The following SLC12A6 variants were observed in gnomAD, a reference collection of about 807,000 sequenced individuals.
The protein encoded by SLC12A6 is K-Cl cotransporter 3.
Under a neutral mutation model 135.3 loss-of-function variants are expected in SLC12A6, and 66 were observed. The observed-to-expected ratio is 0.49, with a 90% CI of 0.40 to 0.60. The LOEUF (loss-of-function observed/expected upper bound fraction) is 0.60. Among genes scored for constraint, SLC12A6 ranks in the 20% least tolerant of loss-of-function variants. The probability of loss-of-function intolerance (pLI) is 0.00; values close to 1 mark genes in which losing one functional copy is unlikely to be tolerated. For missense variants in SLC12A6, 1,058 were observed against 1,452.3 expected (o/e 0.73, Z 4.41); for synonymous variants, 513 against 508.8 (o/e 1.01, Z -0.11).
intron 8 of SLC12A6, among the ~76,000 whole-genome samples, 156 bp from the exon 9 acceptor site, chr15:34,254,745 T>C (rs1892631200): frequency 6.8e-6 from 1 of 146,384 alleles, no homozygotes; most frequent in African/African-American, 2.5e-5. Flanking sequence ...TGAAATGCCT[T>C]CAGAAATGGG....
chr15:34,271,628 C>CACACACACACAG (rs1491483231), intron 3 of SLC12A6, among the ~76,000 whole-genome samples: 1 of 149,106 alleles, frequency 6.7e-6, no homozygotes, highest in African/African-American at 2.5e-5. Context: ...CACACACACA[C>CACACACACACAG]AGAAAAGTTC....
In SLC12A6 at chr15:34,235,319, G is replaced by A. The variant is rs938212238; in HGVS notation, c.3228-5C>T. On this transcript the variant is annotated splice_region_variant and splice_polypyrimidine_tract_variant and intron_variant, in intron 24 of 25. Coordinates refer to ENST00000354181, the MANE Select transcript of SLC12A6 (RefSeq NM_001365088.1). ...CGCCTCACATTGGACTGGTCCCTGA[G>A]TGGGGAAGAAATAAAGGTTGTTAAG... 3 of 1,612,444 alleles carry A rather than the reference G, an allele frequency of 1.9e-6. No homozygotes were observed. Among genetic ancestry groups the A allele is most frequent in the Non-Finnish European group, 2.5e-6 (3 of 1,178,502 alleles).
rs1890915211 is a variant in SLC12A6, at chr15:34,231,345, A to G, written c.*2536T>C. 1 of 149,762 alleles carries G rather than the reference A, an allele frequency of 6.7e-6. No homozygotes were observed. The allele number at this position is 149,762 out of a possible 1,614,324, so 9.3% of individuals were successfully genotyped here. ...CCATTTCACTCCAGCCTGGGCAACA[A>G]GAGCGAAACTACGTCTCGGAAAAAA... On this transcript the variant is annotated 3_prime_UTR_variant, in exon 26 of 26. Coordinates refer to ENST00000354181, the MANE Select transcript of SLC12A6 (RefSeq NM_001365088.1).
At chr15:34,271,658 CTTGA>C (rs1220421093) in intron 3 of SLC12A6, among the ~76,000 whole-genome samples, 6 of 149,692 alleles carry the variant, frequency 4.0e-5, no homozygotes, top group Admixed American at 2.0e-4. Flanking sequence ...AGGTGTACAG[CTTGA>C]TTATTACAAC....
intron 2 of SLC12A6, among the ~76,000 whole-genome samples, chr15:34,293,689 T>TCCCAGGTCCAAGTAATCCC (rs1282667950): frequency 6.6e-6 from 1 of 152,192 alleles, no homozygotes; most frequent in Non-Finnish European, 1.5e-5. Flanking sequence ...AGCCTAAACC[T>TCCCAGGTCCAAGTAATCCC]CCCAGGTCCA....
intron 3 of SLC12A6, among the ~76,000 whole-genome samples, chr15:34,271,478 T>TGA (rs1235490729): frequency 1.3e-5 from 2 of 152,072 alleles, no homozygotes; most frequent in Non-Finnish European, 2.9e-5. Flanking sequence ...CTATTCCTTA[T>TGA]GAGAGACTGA....
chr15:34,318,867 A>G (rs1888848857), intron 2 of SLC12A6: 4 of 1,426,680 alleles, frequency 2.8e-6, no homozygotes, highest in Non-Finnish European at 2.8e-6. Context: ...GCTTGAAGAC[A>G]CGCCTTCCAC....
intron 22 of SLC12A6, 168 bp from the exon 23 acceptor site, chr15:34,236,983 A>C: frequency 1.6e-6 from 1 of 643,602 alleles, no homozygotes; most frequent in Non-Finnish European, 2.8e-6. Flanking sequence ...TGTTTTTGTG[A>C]CTGTAGATAA....
Position 34,239,004 on chromosome 15 carries a change from G to A in SLC12A6, c.2593C>T (p.Arg865Cys), listed in dbSNP as rs766850109. The change falls in exon 20 of 26, where the codon CGT (arginine) becomes TGT (cysteine). Residue 865 changes from arginine to cysteine, a missense_variant. Physicochemically the swap from Arg to Cys is radical, Grantham distance 180. Coordinates refer to ENST00000354181, the MANE Select transcript of SLC12A6 (RefSeq NM_001365088.1). The part of the protein sequence containing the change: ...TVVMGWPNGW[R>C]QSEDARAWKT... ...CAAGCGCGGGCATCTTCGCTTTGAC[G>A]CCAGCCATTAGGCCAGCCCATCACC... The A allele has an allele frequency of 2.5e-6, 4 of 1,613,630 alleles. No individual in the cohort carries two copies. Among genetic ancestry groups the A allele is most frequent in the Middle Eastern group, 1.7e-4 (1 of 6,054 alleles).
At chr15:34,331,842 T>C (rs1002928418) in intron 2 of SLC12A6, among the ~76,000 whole-genome samples, 11 of 152,188 alleles carry the variant, frequency 7.2e-5, no homozygotes, top group African/African-American at 2.4e-4. Context: ...CTTATCTAAA[T>C]TACTTTTATG....
intron 3 of SLC12A6, 78 bp downstream of exon 3, chr15:34,275,267 A>G: frequency 1.3e-6 from 1 of 760,840 alleles, no homozygotes; most frequent in Non-Finnish European, 2.4e-6. Flanking sequence ...ATAGAATCAG[A>G]GAAGGGAGTA....
intron 2 of SLC12A6, among the ~76,000 whole-genome samples, chr15:34,326,188 AATG>A (rs1322104450): frequency 2.0e-5 from 3 of 152,142 alleles, no homozygotes; most frequent in African/African-American, 7.2e-5. Context: ...TCCTTAGTCT[AATG>A]TCAATATAGC....
intron 2 of SLC12A6, among the ~76,000 whole-genome samples, chr15:34,323,705 C>A (rs1352456897): frequency 6.6e-6 from 1 of 152,168 alleles, no homozygotes; most frequent in African/African-American, 2.4e-5. Flanking sequence ...AATCCCAGCA[C>A]TTTTGGGGGC....
chr15:34,332,187 GTTTGC>G (rs1022477564), intron 2 of SLC12A6, among the ~76,000 whole-genome samples: 29 of 152,256 alleles, frequency 1.9e-4, no homozygotes, highest in African/African-American at 6.3e-4. Flanking sequence ...ATACAAATGT[GTTTGC>G]TTTGTCTATT....
Position 34,336,416 on chromosome 15 carries a change from T to C in SLC12A6, c.265A>G (p.Ile89Val), listed in dbSNP as rs1447955678. 1 of 1,613,598 alleles carries C rather than the reference T, an allele frequency of 6.2e-7. No individual in the cohort carries two copies. Among genetic ancestry groups the C allele is most frequent in the Non-Finnish European group, 8.5e-7 (1 of 1,179,500 alleles). ...GGTCTGTGTTTCTACTTACCCTCGATGACATCCTGGGGGTGAGAAGTCCGG... is the reference window on the plus strand; with the variant it reads ...GGTCTGTGTTTCTACTTACCCTCGACGACATCCTGGGGGTGAGAAGTCCGG... ...SDRTSHPQDV[I>V]EDLSQNSITG... is the part of the protein sequence containing the mutation. The change falls in exon 2 of 26, where the codon ATC becomes GTC. Residue 89 changes from isoleucine to valine, a missense_variant. Ile to Val is a conservative substitution (Grantham distance 29). This residue lies in a region of SLC12A6 where 176 missense variants were observed against 168.9 expected (regional missense o/e 1.04). Transcript: ENST00000354181.
intron 13 of SLC12A6, 39 bp downstream of exon 13, chr15:34,250,259 G>T: frequency 1.9e-6 from 2 of 1,067,452 alleles, no homozygotes; most frequent in Non-Finnish European, 2.9e-6. Flanking sequence ...AGTCATGGCA[G>T]ACACACACAT....
At chr15:34,292,052 A>T (rs1367694824) in intron 2 of SLC12A6, among the ~76,000 whole-genome samples, 1 of 152,054 alleles carries the variant, frequency 6.6e-6, no homozygotes, top group Non-Finnish European at 1.5e-5. Flanking sequence ...GTTTCTTTGG[A>T]GAAGAAGAGG....
intron 2 of SLC12A6, among the ~76,000 whole-genome samples, chr15:34,324,351 G>A (rs1292979625): frequency 6.6e-6 from 1 of 152,128 alleles, no homozygotes; most frequent in Non-Finnish European, 1.5e-5. Flanking sequence ...CAGGGCAAAA[G>A]GGGCATTTAT....
intron 7 of SLC12A6, 133 bp from the exon 8 acceptor site, chr15:34,255,525 TA>T: frequency 1.5e-6 from 1 of 688,710 alleles, no homozygotes. Flanking sequence ...CTCAATGTGA[TA>T]AAAAGATGTG....
Sources: gnomAD v4.1 joint callset for allele counts (sites outside exome capture counted in the v4.1 genomes callset) on GRCh38, gnomAD v4.1.1 for gene constraint, gnomAD v4.1.1 regional missense constraint, MANE v1.5 for transcripts, NCBI Gene and HGNC (gene_info 2026-07-23, HGNC 2026-07-21) for gene names.